MAGI2: variants seen among roughly 807,000 people sequenced by gnomAD.
The protein encoded by MAGI2 is membrane-associated guanylate kinase, WW and PDZ domain-containing protein 2.
A neutral mutation model predicts 133.3 loss-of-function variants in MAGI2; 35 were observed. The ratio of observed to expected loss-of-function variants is 0.26; its 90% CI spans 0.20 to 0.35. MAGI2 has a LOEUF of 0.35. Among genes scored for constraint, MAGI2 ranks in the 10% least tolerant of loss-of-function variants. The probability of loss-of-function intolerance (pLI) is 1.00; values close to 1 mark genes in which losing one functional copy is unlikely to be tolerated. For missense variants in MAGI2, 1,636 were observed against 1,863.4 expected (o/e 0.88, Z 2.25); for synonymous variants, 729 against 710.6 (o/e 1.03, Z -0.41).
chr7:78,888,209 A>G (rs1012154689), intron 2 of MAGI2, among the ~76,000 whole-genome samples: 2 of 152,228 alleles, frequency 1.3e-5, no homozygotes, highest in Admixed American at 1.3e-4. Flanking sequence ...CTGAGGCTTC[A>G]GTAGGTAAAC....
intron 3 of MAGI2, among the ~76,000 whole-genome samples, chr7:78,589,107 G>A (rs1294640351): frequency 1.3e-5 from 2 of 152,102 alleles, no homozygotes; most frequent in African/African-American, 4.8e-5. Context: ...GCCTATCACA[G>A]AGCTGTTTCC....
intron 1 of MAGI2, among the ~76,000 whole-genome samples, chr7:79,350,635 G>C (rs962444191): frequency 1.3e-5 from 2 of 152,120 alleles, no homozygotes; most frequent in African/African-American, 4.8e-5. Context: ...GTGTGATGAA[G>C]GCTTAAACAA....
At chr7:78,611,664 A>G (rs901757616) in intron 3 of MAGI2, among the ~76,000 whole-genome samples, 1 of 152,228 alleles carries the variant, frequency 6.6e-6, no homozygotes, top group African/African-American at 2.4e-5. Context: ...CATCAAAGAG[A>G]TAAAACTTCC....
At chr7:78,366,382 T>C (rs1360471698) in intron 7 of MAGI2, among the ~76,000 whole-genome samples, 1 of 152,164 alleles carries the variant, frequency 6.6e-6, no homozygotes, top group Non-Finnish European at 1.5e-5. Flanking sequence ...AGACATTTAC[T>C]AATCTTTTAT....
chr7:78,285,929 T>TA (rs1693948172), intron 9 of MAGI2: 1 of 152,178 alleles, frequency 6.6e-6, no homozygotes, highest in Non-Finnish European at 1.5e-5. Flanking sequence ...CCATGTCACT[T>TA]AAAATCTCTG....
At chr7:79,428,639 T>A (rs1463361115) in intron 1 of MAGI2, among the ~76,000 whole-genome samples, 2 of 152,210 alleles carry the variant, frequency 1.3e-5, no homozygotes, top group Non-Finnish European at 2.9e-5. Flanking sequence ...ATTATTATAA[T>A]CATCACCATT....
intron 1 of MAGI2, among the ~76,000 whole-genome samples, chr7:79,017,823 G>GA: frequency 6.6e-6 from 1 of 151,890 alleles, no homozygotes; most frequent in Non-Finnish European, 1.5e-5. Flanking sequence ...CCAAGCTGAG[G>GA]AAAAAAAGTC....
chr7:78,256,561 T>C lies in MAGI2; in HGVS notation c.1429A>G (p.Asn477Asp). The C allele has an allele frequency of 2.5e-6, 4 of 1,613,002 alleles. No individual in the cohort carries two copies. In the East Asian group the frequency reaches 8.9e-5, roughly 36 times the overall value. The change falls in exon 10 of 22, where the codon AAT becomes GAT. Residue 477 changes from asparagine to aspartate, a missense_variant. By Grantham distance (23) the Asn-to-Asp change is conservative (BLOSUM62 1). Coordinates refer to ENST00000354212, the MANE Select transcript of MAGI2 (RefSeq NM_012301.4). ...GTGTGTCCAAGGACACAAACTTCATTAATATAGACAATGACATCACCTGTA... is the reference window on the plus strand; with the variant it reads ...GTGTGTCCAAGGACACAAACTTCATCAATATAGACAATGACATCACCTGTA... ...METGDVIVYI[N>D]EVCVLGHTHA...
chr7:78,683,791 T>C (rs1329131528), intron 2 of MAGI2, among the ~76,000 whole-genome samples: 1 of 152,192 alleles, frequency 6.6e-6, no homozygotes, highest in Non-Finnish European at 1.5e-5. Flanking sequence ...AACAGTGTCT[T>C]TGTTGGGGCT....
At chr7:78,387,182 T>G (rs978351270) in intron 6 of MAGI2, among the ~76,000 whole-genome samples, 1 of 152,202 alleles carries the variant, frequency 6.6e-6, no homozygotes, top group South Asian at 2.1e-4. Flanking sequence ...TCTGCTCAAG[T>G]GGAGATGTAA....
chr7:79,084,227 T>C (rs1418695023), intron 1 of MAGI2, among the ~76,000 whole-genome samples: 1 of 151,720 alleles, frequency 6.6e-6, no homozygotes, highest in East Asian at 1.9e-4. Context: ...TCTAGTTTTA[T>C]AAGGTAGAAG....
intron 6 of MAGI2, among the ~76,000 whole-genome samples, chr7:78,393,473 C>T (rs946899058): frequency 6.6e-6 from 1 of 152,178 alleles, no homozygotes; most frequent in African/African-American, 2.4e-5. Flanking sequence ...GGCTATGGAA[C>T]CTCTCTTTGT....
intron 2 of MAGI2, among the ~76,000 whole-genome samples, chr7:78,787,966 T>C (rs551059747): frequency 3.9e-5 from 6 of 152,378 alleles, no homozygotes; most frequent in African/African-American, 1.4e-4. Context: ...GATTATAACA[T>C]AGTCAGCTAC....
At chr7:78,661,851 T>C (rs1049789441) in intron 2 of MAGI2, among the ~76,000 whole-genome samples, 4 of 152,208 alleles carry the variant, frequency 2.6e-5, no homozygotes, top group African/African-American at 9.6e-5. Flanking sequence ...GAGTCAAAAA[T>C]ACTTTTTAGA....
chr7:78,326,191 G>A (rs1045183494), intron 9 of MAGI2, among the ~76,000 whole-genome samples: 2 of 152,194 alleles, frequency 1.3e-5, no homozygotes, highest in Non-Finnish European at 2.9e-5. Flanking sequence ...CAGGCTCATA[G>A]TAAATGCTCC....
intron 1 of MAGI2, among the ~76,000 whole-genome samples, chr7:79,191,845 CT>C (rs974542736): frequency 6.6e-6 from 1 of 151,482 alleles, no homozygotes; most frequent in African/African-American, 2.4e-5. Context: ...ATTAAATTAC[CT>C]TTTTTTAAAG....
chr7:78,337,452 T>C (rs1211041355), intron 9 of MAGI2, among the ~76,000 whole-genome samples: 1 of 152,226 alleles, frequency 6.6e-6, no homozygotes, highest in Non-Finnish European at 1.5e-5. Context: ...GTTTCTCTTG[T>C]ACAGGACCCT....
At chr7:78,648,078 T>C (rs945821623) in intron 2 of MAGI2, among the ~76,000 whole-genome samples, 1 of 152,146 alleles carries the variant, frequency 6.6e-6, no homozygotes, top group East Asian at 1.9e-4. Context: ...CAAACCAACA[T>C]GGCACATGTA....
intron 1 of MAGI2, among the ~76,000 whole-genome samples, chr7:79,048,062 C>A (rs1812340790): frequency 6.6e-6 from 1 of 152,100 alleles, no homozygotes; most frequent in African/African-American, 2.4e-5. Context: ...TTGGCATGTC[C>A]TTTGTTTTAA....
Sources: allele counts gnomAD v4.1 joint callset (sites outside exome capture counted in the v4.1 genomes callset), GRCh38; gene constraint gnomAD v4.1.1; transcripts MANE v1.5; gene names NCBI Gene and HGNC (gene_info 2026-07-23, HGNC 2026-07-21).